Variants in MAP2K5 observed in about 807,000 individuals in gnomAD.
The protein encoded by MAP2K5 is mitogen-activated protein kinase kinase 5.
MAP2K5 carries 49 observed loss-of-function variants against 83.1 expected under a neutral mutation model. The observed-to-expected ratio is 0.59, with a 90% CI of 0.47 to 0.75. The LOEUF (loss-of-function observed/expected upper bound fraction) is 0.75. Among genes scored for constraint, MAP2K5 ranks in the 30% least tolerant of loss-of-function variants. The pLI is 0.00. For missense variants in MAP2K5, 457 were observed against 557.5 expected, an observed-to-expected ratio of 0.82 and a Z score of 1.82; for synonymous variants, 202 against 191.8, an observed-to-expected ratio of 1.05 and a Z score of -0.44.
At position 67,636,843 on chromosome 15, in the gene MAP2K5, T is replaced by C. The variant is rs1418145374; in HGVS notation, c.585+5916T>C. ...TCAGAGAGATTAACATTTGAGTTAATGTTAACGTAAGAGATTAACATTTGA... is the reference window on the plus strand; with the variant it reads ...TCAGAGAGATTAACATTTGAGTTAACGTTAACGTAAGAGATTAACATTTGA... On this transcript the variant is annotated intron_variant, in intron 9 of 21. Transcript: ENST00000178640. This position sits in a 1 kb window ranked among gnomAD's most constrained non-coding sequence, Gnocchi z 4.7. Among the ~76,000 whole-genome samples the C allele has an allele frequency of 6.6e-6, 1 of 152,222 alleles. No homozygotes were observed. The highest frequency in any genetic ancestry group is 1.5e-5 in the Non-Finnish European group (1 of 68,028).
rs1286798134 is a variant in MAP2K5 at position 67,586,924 on chromosome 15, G to A, written c.431+11G>A. 6.2e-7 allele frequency: 1 copy of A among 1,613,978 alleles called. No homozygotes were observed. The highest frequency in any genetic ancestry group is 8.5e-7 in the Non-Finnish European group (1 of 1,179,946). On this transcript the variant is annotated intron_variant, in intron 6 of 21. Transcript: ENST00000178640. ...ACTTCCAAGCAATAGGTGCGAGCGAGCAAGTAAAGTGTGCCCTTGATGTGA... is the reference window on the plus strand; with the variant it reads ...ACTTCCAAGCAATAGGTGCGAGCGAACAAGTAAAGTGTGCCCTTGATGTGA...
rs771625706 is a variant in MAP2K5 at position 67,806,888 on chromosome 15, G to A, written c.*138G>A. On this transcript the variant is annotated 3_prime_UTR_variant, in exon 22 of 22. Coordinates refer to ENST00000178640, the MANE Select transcript of MAP2K5 (RefSeq NM_145160.3). ...CCTGCCCTCGCCTTCACCTCTGTCA[G>A]CAGGTGGCCTTGCCTGGGGAGCCCC... is the stretch of plus-strand genomic sequence containing the variant. 3.8e-6 allele frequency: 6 copies of A among 1,594,070 alleles called. No homozygotes were observed. In the East Asian group the frequency reaches 1.3e-4, roughly 36 times the overall value.
At chr15:67,551,437 A>G (rs1473108019) in intron 2 of MAP2K5, among the ~76,000 whole-genome samples, 2 of 149,636 alleles carry the variant, frequency 1.3e-5, no homozygotes, top group Non-Finnish European at 3.0e-5. Flanking sequence ...GGCTTACACA[A>G]TCCTCCCACC....
At chr15:67,662,550 A>G (rs1316066159) in intron 12 of MAP2K5, among the ~76,000 whole-genome samples, 1 of 152,160 alleles carries the variant, frequency 6.6e-6, no homozygotes, top group Non-Finnish European at 1.5e-5. Flanking sequence ...TGGTAAGTTC[A>G]CGCTCATGTG....
At position 67,555,635 on chromosome 15, in the gene MAP2K5, C is replaced by T. The variant is rs1317460460; in HGVS notation, c.184+5553C>T. Among the ~76,000 whole-genome samples the T allele has an allele frequency of 1.3e-5, 2 of 152,182 alleles. No homozygotes were observed. The highest frequency in any genetic ancestry group is 2.1e-4 in the South Asian group (1 of 4,832). ...AGGTATGAGAAGGCCCATTTCCCTC[C>T]AACCCCATCAACTCTGGATATTAGC... On this transcript the variant is annotated intron_variant, in intron 2 of 21. Coordinates refer to ENST00000178640, the MANE Select transcript of MAP2K5 (RefSeq NM_145160.3). This position sits in a 1 kb window ranked among gnomAD's most constrained non-coding sequence, Gnocchi z 5.2.
intron 13 of MAP2K5, among the ~76,000 whole-genome samples, chr15:67,666,953 C>T (rs2087395787): frequency 6.6e-6 from 1 of 152,180 alleles, no homozygotes; most frequent in African/African-American, 2.4e-5. Context: ...AATAAATATC[C>T]TGTGGTAATA....
chr15:67,798,307 C>A (rs187907543), intron 21 of MAP2K5, among the ~76,000 whole-genome samples: 1 of 152,354 alleles, frequency 6.6e-6, no homozygotes, highest in African/African-American at 2.4e-5. Flanking sequence ...ACAGCCTGCC[C>A]AGTCCTATCC....
chr15:67,693,489 T>C, intron 14 of MAP2K5, 29 bp from the exon 15 acceptor site: 1 of 1,570,704 alleles, frequency 6.4e-7, no homozygotes, highest in Non-Finnish European at 8.7e-7. Flanking sequence ...TATCTTTATA[T>C]TGTTCTAACA....
chr15:67,749,075 G>A lies in MAP2K5; in HGVS notation c.1134+474G>A, dbSNP rs1023232559. 6.6e-5 allele frequency among the ~76,000 whole-genome samples: 10 copies of A among 152,186 alleles called. No homozygotes were observed. The highest frequency in any genetic ancestry group is 1.5e-4 in the Non-Finnish European group (10 of 68,030). ...AAAAACTCTAGGTCAACAGTTCAGC[G>A]TTAATTTCCTAATTAGGCATTTTTC... On this transcript the variant is annotated intron_variant, in intron 19 of 21. Transcript: ENST00000178640. The surrounding 1 kb of genome is among the most constrained non-coding windows in gnomAD (Gnocchi z 4.6).
chr15:67,714,479 C>A, intron 16 of MAP2K5, among the ~76,000 whole-genome samples: 1 of 113,202 alleles, frequency 8.8e-6, no homozygotes. Context: ...ACAGCTGTTT[C>A]TAATGGGTGT....
chr15:67,580,965 G>A (rs2085168810), intron 4 of MAP2K5, 142 bp downstream of exon 4: 2 of 610,566 alleles, frequency 3.3e-6, no homozygotes, highest in Admixed American at 2.6e-5. Flanking sequence ...ATTATCGTGG[G>A]GATTGCAGGC....
intron 21 of MAP2K5, among the ~76,000 whole-genome samples, chr15:67,791,706 G>A (rs1596982003): frequency 1.3e-5 from 2 of 152,244 alleles, no homozygotes; most frequent in East Asian, 1.9e-4. Flanking sequence ...TGCTTTATGG[G>A]GTTGTTGTGA....
In MAP2K5 at chr15:67,780,199, G is replaced by A. The variant is rs370216158; in HGVS notation, c.1242+7447G>A. Among the ~76,000 whole-genome samples, 67 of 152,088 alleles carry A rather than the reference G, an allele frequency of 4.4e-4. No individual in the cohort carries two copies. The highest frequency in any genetic ancestry group is 6.6e-4 in the Non-Finnish European group (45 of 68,006). ...GCAGCTCATCAGAGTTACCTCAGAG[G>A]TTTAAAAGGCTAAAGAAAAAAATGC... On this transcript the variant is annotated intron_variant, in intron 21 of 21. Coordinates refer to ENST00000178640, the MANE Select transcript of MAP2K5 (RefSeq NM_145160.3). The surrounding 1 kb of genome is among the most constrained non-coding windows in gnomAD (Gnocchi z 5.0).
intron 7 of MAP2K5, among the ~76,000 whole-genome samples, chr15:67,596,812 C>A (rs892731528): frequency 6.6e-6 from 1 of 152,200 alleles, no homozygotes; most frequent in African/African-American, 2.4e-5. Flanking sequence ...TCCTCCTTCA[C>A]ATCTATTATT....
intron 4 of MAP2K5, among the ~76,000 whole-genome samples, chr15:67,581,417 T>C (rs552291881): frequency 1.3e-5 from 2 of 152,368 alleles, no homozygotes; most frequent in South Asian, 4.1e-4. Context: ...GTACTATCCT[T>C]GTATCAGATA....
chr15:67,699,924 C>G (rs2088371525), intron 15 of MAP2K5, among the ~76,000 whole-genome samples: 1 of 150,196 alleles, frequency 6.7e-6, no homozygotes, highest in Non-Finnish European at 1.5e-5. Flanking sequence ...CTCCAGAGCC[C>G]TGTTTAACCA....
chr15:67,704,844 A>G (rs1259564519), intron 16 of MAP2K5, among the ~76,000 whole-genome samples: 1 of 152,220 alleles, frequency 6.6e-6, no homozygotes, highest in African/African-American at 2.4e-5. Context: ...CATTTATTTT[A>G]TAAATGACTG....
At chr15:67,740,201 T>C (rs1596888462) in intron 17 of MAP2K5, among the ~76,000 whole-genome samples, 1 of 152,326 alleles carries the variant, frequency 6.6e-6, no homozygotes, top group Non-Finnish European at 1.5e-5. Flanking sequence ...TTTTGGGTCC[T>C]AGAGTCTAGT....
intron 8 of MAP2K5, among the ~76,000 whole-genome samples, chr15:67,603,886 C>T (rs1456388180): frequency 6.6e-6 from 1 of 152,094 alleles, no homozygotes; most frequent in African/African-American, 2.4e-5. Flanking sequence ...TTGGAAAATC[C>T]ACTCATTGGT....
Sources: gnomAD v4.1 joint callset for allele counts (sites outside exome capture counted in the v4.1 genomes callset) on GRCh38, gnomAD v4.1.1 for gene constraint, Gnocchi (gnomAD v3.1) non-coding constraint, MANE v1.5 for transcripts, NCBI Gene and HGNC (gene_info 2026-07-23, HGNC 2026-07-21) for gene names.